ANKS1B: variants seen among roughly 807,000 people sequenced by gnomAD.
The protein encoded by ANKS1B is ankyrin repeat and sterile alpha motif domain-containing protein 1B.
A neutral mutation model predicts 148.3 loss-of-function variants in ANKS1B; 36 were observed. The observed-to-expected ratio is 0.24, with a 90% CI of 0.19 to 0.32. The LOEUF (loss-of-function observed/expected upper bound fraction) is 0.32, where lower values mean the gene tolerates loss of function less well. Among genes scored for constraint, ANKS1B ranks in the 10% least tolerant of loss-of-function variants. ANKS1B has a pLI of 1.00. For synonymous variants in ANKS1B, 542 were observed against 560.8 expected, an observed-to-expected ratio of 0.97 and a Z score of 0.47; for missense variants, 1,157 against 1,542.6, an observed-to-expected ratio of 0.75 and a Z score of 4.19.
intron 12 of ANKS1B, among the ~76,000 whole-genome samples, chr12:99,378,795 T>C (rs1213990069): frequency 6.6e-6 from 1 of 151,408 alleles, no homozygotes; most frequent in Non-Finnish European, 1.5e-5. Context: ...ATTATAACAA[T>C]AAAGAAAAGA....
intron 12 of ANKS1B, among the ~76,000 whole-genome samples, chr12:99,321,591 G>A (rs557968126): frequency 6.6e-6 from 1 of 152,310 alleles, no homozygotes; most frequent in South Asian, 2.1e-4. Flanking sequence ...TGATTTTCCA[G>A]GTACCATCTG....
rs146628544 is a variant in ANKS1B, at chr12:99,188,848, A to C, written c.2420-34453T>G. Among the ~76,000 whole-genome samples, 481 of 152,330 alleles carry C rather than the reference A, an allele frequency of 3.2e-3. 3 individuals carry two copies. Among genetic ancestry groups the C allele is most frequent in the Middle Eastern group, 6.8e-3 (2 of 294 alleles). The stretch of plus-strand genomic sequence containing the variant: ...GAGGACAAGAAATAACTAAAATCAG[A>C]GCAGAACTGAAGGAGACAGAGACAC... On this transcript the variant is annotated intron_variant, in intron 14 of 26. Coordinates refer to ENST00000683438, the MANE Select transcript of ANKS1B (RefSeq NM_001352186.2).
At chr12:99,888,883 T>A (rs1041270984) in intron 1 of ANKS1B, among the ~76,000 whole-genome samples, 1 of 151,876 alleles carries the variant, frequency 6.6e-6, no homozygotes, top group African/African-American at 2.4e-5. Flanking sequence ...AATAAAACAA[T>A]ATCTCAGTGG....
chr12:98,773,278 C>T, intron 24 of ANKS1B, 99 bp from the exon 25 acceptor site: 1 of 1,403,580 alleles, frequency 7.1e-7, no homozygotes, highest in South Asian at 1.5e-5. Context: ...TTCCTTCTTT[C>T]TGGAGTGTTC....
intron 14 of ANKS1B, among the ~76,000 whole-genome samples, chr12:99,195,335 T>A (rs578165856): frequency 1.2e-4 from 18 of 152,274 alleles, no homozygotes; most frequent in South Asian, 6.2e-4. Flanking sequence ...AAAATCTACC[T>A]TTTTGATGAT....
intron 1 of ANKS1B, among the ~76,000 whole-genome samples, chr12:99,963,632 C>A (rs1394661636): frequency 6.6e-6 from 1 of 152,146 alleles, no homozygotes; most frequent in Non-Finnish European, 1.5e-5. Flanking sequence ...CAAATGTTTA[C>A]TAAAGAGCTT....
intron 1 of ANKS1B, among the ~76,000 whole-genome samples, chr12:99,983,508 T>C (rs963941879): frequency 2.0e-5 from 3 of 152,322 alleles, no homozygotes; most frequent in South Asian, 2.1e-4. Context: ...CACTCAGCTA[T>C]GTCCAGGTAA....
chr12:99,515,872 A>T (rs2096814574), intron 9 of ANKS1B, among the ~76,000 whole-genome samples: 1 of 152,070 alleles, frequency 6.6e-6, no homozygotes, highest in Non-Finnish European at 1.5e-5. Flanking sequence ...GGGTGAAATG[A>T]TATCTCATTG....
intron 9 of ANKS1B, among the ~76,000 whole-genome samples, chr12:99,505,237 G>A (rs929504015): frequency 6.6e-6 from 1 of 152,056 alleles, no homozygotes; most frequent in Admixed American, 6.6e-5. Flanking sequence ...GCAACAGAAG[G>A]ATAAAAAGAG....
chr12:99,887,645 C>T (rs146257277), intron 1 of ANKS1B, among the ~76,000 whole-genome samples: 1,686 of 152,214 alleles, frequency 0.011, 19 homozygotes, highest in Non-Finnish European at 0.014. Context: ...ATGACTTTTC[C>T]CACATTTAAA....
chr12:98,775,222 G>A (rs2098658425), intron 24 of ANKS1B, among the ~76,000 whole-genome samples: 1 of 152,122 alleles, frequency 6.6e-6, no homozygotes, highest in Non-Finnish European at 1.5e-5. Context: ...AAGATCTCAA[G>A]GTAGATGCAC....
At chr12:99,185,628 G>C (rs2079732309) in intron 14 of ANKS1B, among the ~76,000 whole-genome samples, 1 of 152,190 alleles carries the variant, frequency 6.6e-6, no homozygotes, top group Non-Finnish European at 1.5e-5. Flanking sequence ...ACCTCACCTG[G>C]AAGTGCAAGG....
chr12:98,781,259 C>T lies in ANKS1B; in HGVS notation c.3355-56G>A, dbSNP rs760964210. On this transcript the variant is annotated intron_variant, in intron 23 of 26. Transcript: ENST00000683438. ...AGTTTGTGTTGCGTGGCAACTGAAG[C>T]ACACAATTTTTCCTCCTGAAAGATA... The T allele has an allele frequency of 3.1e-5, 34 of 1,083,632 alleles. No homozygotes were observed. In the Middle Eastern group the frequency reaches 5.8e-4, roughly 19 times the overall value. The allele number at this position is 1,083,632 out of a possible 1,614,324, so 67.1% of individuals were successfully genotyped here.
At chr12:99,429,557 C>A (rs2095327825) in intron 11 of ANKS1B, among the ~76,000 whole-genome samples, 1 of 152,172 alleles carries the variant, frequency 6.6e-6, no homozygotes, top group African/African-American at 2.4e-5. Flanking sequence ...ATTATTAGGA[C>A]AATTGGTGAA....
At chr12:99,519,483 T>C (rs988316871) in intron 9 of ANKS1B, among the ~76,000 whole-genome samples, 4 of 152,174 alleles carry the variant, frequency 2.6e-5, no homozygotes, top group Admixed American at 2.6e-4. Flanking sequence ...ACCTTCTTTG[T>C]CTGACTTGTC....
chr12:99,781,063 C>CTAA (rs2064260023), intron 5 of ANKS1B, among the ~76,000 whole-genome samples: 1 of 120,234 alleles, frequency 8.3e-6, no homozygotes. Flanking sequence ...CACATAATTG[C>CTAA]AAAAAAAAAA....
At chr12:99,543,890 T>G (rs2153136182) in intron 9 of ANKS1B, among the ~76,000 whole-genome samples, 1 of 152,232 alleles carries the variant, frequency 6.6e-6, no homozygotes, top group East Asian at 1.9e-4. Context: ...TGAGTAGGAT[T>G]AAATTTTCAG....
Position 99,153,095 on chromosome 12 carries a change from T to G in ANKS1B, c.2526+1194A>C, listed in dbSNP as rs554689467. Among the ~76,000 whole-genome samples the G allele has an allele frequency of 1.1e-3, 171 of 152,264 alleles. 1 individual carries two copies. Among genetic ancestry groups the G allele is most frequent in the African/African-American group, 4.0e-3 (166 of 41,552 alleles). Reference sequence around the variant, plus strand: ...CATGCAATTACTTAGAGCTCATATATCTTACTATATTTATGTCTTTTTTAT... The same window carrying G: ...CATGCAATTACTTAGAGCTCATATAGCTTACTATATTTATGTCTTTTTTAT... On this transcript the variant is annotated intron_variant, in intron 15 of 26. Transcript: ENST00000683438.
chr12:99,586,322 G>T (rs2153231943), intron 9 of ANKS1B, among the ~76,000 whole-genome samples: 1 of 152,284 alleles, frequency 6.6e-6, no homozygotes, highest in Non-Finnish European at 1.5e-5. Context: ...TAGCAAGAGT[G>T]ACCTTTACTC....
Sources: allele counts gnomAD v4.1 joint callset (sites outside exome capture counted in the v4.1 genomes callset), GRCh38; gene constraint gnomAD v4.1.1; transcripts MANE v1.5; gene names NCBI Gene and HGNC (gene_info 2026-07-23, HGNC 2026-07-21).